PTPRO: variants seen among roughly 807,000 people sequenced by gnomAD.
The protein encoded by PTPRO is protein tyrosine phosphatase receptor type O, also known as receptor-type tyrosine-protein phosphatase O.
Under a neutral mutation model 145.2 loss-of-function variants are expected in PTPRO, and 62 were observed. The observed-to-expected ratio is 0.43, with a 90% confidence interval of 0.35 to 0.53. The LOEUF is 0.53. PTPRO is among the 20% of genes least tolerant of loss of function. PTPRO has a pLI of 0.01. For synonymous variants in PTPRO, 565 were observed against 514.7 expected (o/e 1.10, Z -1.32); for missense variants, 1,345 against 1,482.7 (o/e 0.91, Z 1.53).
intron 25 of PTPRO, among the ~76,000 whole-genome samples, chr12:15,593,966 T>C (rs1944605126): frequency 6.6e-6 from 1 of 152,160 alleles, no homozygotes; most frequent in African/African-American, 2.4e-5. Flanking sequence ...GTGCTAAGCA[T>C]TAGGAATAAA....
intron 9 of PTPRO, among the ~76,000 whole-genome samples, chr12:15,518,963 C>A (rs1942655132): frequency 6.6e-6 from 1 of 152,158 alleles, no homozygotes; most frequent in Non-Finnish European, 1.5e-5. Context: ...AAATTGCTTC[C>A]ACAGTTCTGG....
At chr12:15,427,247 CTT>C (rs2136335276) in intron 1 of PTPRO, among the ~76,000 whole-genome samples, 1 of 152,066 alleles carries the variant, frequency 6.6e-6, no homozygotes, top group Non-Finnish European at 1.5e-5. Flanking sequence ...TGTCTCATAA[CTT>C]TTCTATTAAA....
Position 15,489,946 on chromosome 12 carries a change from T to G in PTPRO, c.349+5699T>G, listed in dbSNP as rs910911591. ...TATATGCAAATAATGGAGGCATACATAGCATGGCACACTTGATGACTGCAG... is the reference window on the plus strand; with the variant it reads ...TATATGCAAATAATGGAGGCATACAGAGCATGGCACACTTGATGACTGCAG... On this transcript the variant is annotated intron_variant, in intron 2 of 26. Coordinates refer to ENST00000281171, the MANE Select transcript of PTPRO (RefSeq NM_030667.3). 2.0e-5 allele frequency among the ~76,000 whole-genome samples: 3 copies of G among 152,192 alleles called. No individual in the cohort carries two copies. In the East Asian group the frequency reaches 5.8e-4, roughly 29 times the overall value.
chr12:15,398,005 A>G (rs1330841396), intron 1 of PTPRO, among the ~76,000 whole-genome samples: 2 of 152,180 alleles, frequency 1.3e-5, no homozygotes, highest in Admixed American at 6.5e-5. Context: ...ACCCCAAGTC[A>G]AAACCAGTGT....
chr12:15,324,032 A>G (rs1405118214), intron 1 of PTPRO, among the ~76,000 whole-genome samples: 6 of 152,166 alleles, frequency 3.9e-5, no homozygotes, highest in African/African-American at 1.2e-4. Context: ...TAAATTATCA[A>G]TAATCATTAA....
At chr12:15,405,101 A>G (rs369665844) in intron 1 of PTPRO, among the ~76,000 whole-genome samples, 1 of 152,284 alleles carries the variant, frequency 6.6e-6, no homozygotes, top group East Asian at 1.9e-4. Context: ...TCCAAATATC[A>G]TCACATGGGG....
At chr12:15,355,256 C>A (rs999569440) in intron 1 of PTPRO, among the ~76,000 whole-genome samples, 30 of 152,172 alleles carry the variant, frequency 2.0e-4, no homozygotes, top group Admixed American at 4.6e-4. Flanking sequence ...TCTTCCCCTA[C>A]AAAGGACTAA....
chr12:15,376,586 A>G (rs543863300), intron 1 of PTPRO, among the ~76,000 whole-genome samples: 8 of 152,278 alleles, frequency 5.3e-5, no homozygotes, highest in African/African-American at 1.9e-4. Flanking sequence ...AAATACCACA[A>G]ACTGGGTGGC....
At chr12:15,420,860 G>C (rs1282996069) in intron 1 of PTPRO, among the ~76,000 whole-genome samples, 2 of 152,180 alleles carry the variant, frequency 1.3e-5, no homozygotes, top group African/African-American at 2.4e-5. Context: ...GCGTTTGTAA[G>C]AGTTGAATGA....
chr12:15,376,158 A>T (rs961387169), intron 1 of PTPRO, among the ~76,000 whole-genome samples: 3 of 152,134 alleles, frequency 2.0e-5, no homozygotes, highest in African/African-American at 7.2e-5. Flanking sequence ...GGAGACCCAC[A>T]CCTAGTCAGA....
At chr12:15,511,854 G>A (rs774472877) in intron 7 of PTPRO, among the ~76,000 whole-genome samples, 7 of 152,104 alleles carry the variant, frequency 4.6e-5, no homozygotes, top group Non-Finnish European at 8.8e-5. Flanking sequence ...GTGAGCCACC[G>A]TGCCCGGCTA....
intron 2 of PTPRO, among the ~76,000 whole-genome samples, chr12:15,490,539 C>T (rs1032181594): frequency 1.3e-5 from 2 of 152,086 alleles, no homozygotes; most frequent in African/African-American, 2.4e-5. Flanking sequence ...AATGTAAAAG[C>T]CTTTCTTAGC....
rs58620856 is a variant in PTPRO, at chr12:15,480,721, AGATGGATG to A, written c.76-3216_76-3209del. ...CCCTCTGGCTATAAGCTGATGTAGA[AGATGGATG>A]GATGGATGGATGGATGGATGGATGG... On this transcript the variant is annotated intron_variant, in intron 1 of 26. Coordinates refer to ENST00000281171, the MANE Select transcript of PTPRO (RefSeq NM_030667.3). Among the ~76,000 whole-genome samples, 1,893 of 150,962 alleles carry A rather than the reference AGATGGATG, an allele frequency of 0.013. 67 individuals are homozygous for A. The East Asian group carries it at 0.14, about 12-fold the overall frequency.
intron 12 of PTPRO, chr12:15,546,293 A>G: frequency 1.6e-6 from 2 of 1,224,434 alleles, no homozygotes; most frequent in East Asian, 4.3e-5. Flanking sequence ...CACAGAAACT[A>G]TTAATAGATT....
intron 1 of PTPRO, among the ~76,000 whole-genome samples, chr12:15,354,666 T>C (rs1447886047): frequency 1.3e-5 from 2 of 152,192 alleles, no homozygotes; most frequent in Non-Finnish European, 2.9e-5. Flanking sequence ...TGTTTCTTAC[T>C]GCATGTAATA....
At chr12:15,496,154 T>G (rs865796260) in intron 2 of PTPRO, among the ~76,000 whole-genome samples, 2,994 of 141,944 alleles carry the variant, frequency 0.021, 62 homozygotes, top group Non-Finnish European at 0.031. Flanking sequence ...TTTTTTTTTT[T>G]TTTTTTTTTT....
Position 15,589,484 on chromosome 12 carries a change from T to C in PTPRO, c.3440T>C (p.Ile1147Thr). The C allele has an allele frequency of 6.2e-7, 1 of 1,614,184 alleles. No homozygotes were observed. Among genetic ancestry groups the C allele is most frequent in the Non-Finnish European group, 8.5e-7 (1 of 1,180,010 alleles). Residue 1147 changes from isoleucine to threonine, a missense_variant, in exon 25 of 27, where the codon ATT becomes ACT. Physicochemically the swap from Ile to Thr is moderately conservative, Grantham distance 89 (BLOSUM62 -1). Coordinates refer to ENST00000281171, the MANE Select transcript of PTPRO (RefSeq NM_030667.3). ...SAGVGRTGTF[I>T]ALDRLLQHIR... ...GGCGTGGGACGGACAGGAACATTCA[T>C]TGCCCTGGACAGGCTCTTGCAGCAC...
chr12:15,448,339 T>TAGAAAAAA (rs1940956610), intron 1 of PTPRO, among the ~76,000 whole-genome samples: 1 of 45,020 alleles, frequency 2.2e-5, no homozygotes, highest in Non-Finnish European at 4.3e-5. Context: ...CTGTTCCTAG[T>TAGAAAAAA]AAAAAAAAAA....
chr12:15,470,347 TTTC>T (rs767173665), intron 1 of PTPRO, among the ~76,000 whole-genome samples: 5 of 152,188 alleles, frequency 3.3e-5, no homozygotes, highest in Non-Finnish European at 5.9e-5. Context: ...TGAACCTCAG[TTTC>T]TTCTTCTGTG....
Sources: gnomAD v4.1 joint callset for allele counts (sites outside exome capture counted in the v4.1 genomes callset) on GRCh38, gnomAD v4.1.1 for gene constraint, MANE v1.5 for transcripts, NCBI Gene and HGNC (gene_info 2026-07-23, HGNC 2026-07-21) for gene names.